Variants in ZFAND3 observed in about 807,000 individuals in gnomAD.
ZFAND3 encodes the protein zinc finger AN1-type containing 3.
A neutral mutation model predicts 29.6 loss-of-function variants in ZFAND3; 10 were observed. The ratio of observed to expected loss-of-function variants is 0.34; its 90% confidence interval spans 0.21 to 0.57. ZFAND3 has a LOEUF of 0.57. ZFAND3 is among the 20% of genes least tolerant of loss of function. The pLI is 0.86. For synonymous variants in ZFAND3, 128 were observed against 112.6 expected (o/e 1.14, Z -0.87); for missense variants, 230 against 304.5 (o/e 0.76, Z 1.82).
At chr6:38,000,159 CA>C (rs2127439099) in intron 2 of ZFAND3, among the ~76,000 whole-genome samples, 1 of 152,028 alleles carries the variant, frequency 6.6e-6, no homozygotes, top group East Asian at 1.9e-4. Context: ...CCAAACAAAC[CA>C]AAAAACTTAC....
intron 2 of ZFAND3, among the ~76,000 whole-genome samples, chr6:38,021,021 A>G (rs1311013518): frequency 6.6e-6 from 1 of 152,254 alleles, no homozygotes; most frequent in Non-Finnish European, 1.5e-5. Context: ...CAGAAAATAT[A>G]TGAAAGGAAA....
At chr6:37,932,269 AAAAAT>A (rs1203938300) in intron 2 of ZFAND3, among the ~76,000 whole-genome samples, 5 of 150,130 alleles carry the variant, frequency 3.3e-5, no homozygotes, top group South Asian at 4.1e-4. Flanking sequence ...TCAAAAAAAA[AAAAAT>A]AAATAAATAA....
At chr6:38,080,254 A>G (rs1036284635) in intron 3 of ZFAND3, among the ~76,000 whole-genome samples, 3 of 151,902 alleles carry the variant, frequency 2.0e-5, no homozygotes, top group Admixed American at 6.6e-5. Context: ...GTGTATACCT[A>G]TGTAACAAAC....
intron 1 of ZFAND3, among the ~76,000 whole-genome samples, chr6:37,839,914 G>T (rs1404065834): frequency 6.6e-6 from 1 of 151,956 alleles, no homozygotes; most frequent in Non-Finnish European, 1.5e-5. Flanking sequence ...ACGTTTTTTG[G>T]GGATGTGTCC....
At chr6:37,870,535 G>A (rs987315113) in intron 1 of ZFAND3, among the ~76,000 whole-genome samples, 3 of 148,006 alleles carry the variant, frequency 2.0e-5, no homozygotes, top group Non-Finnish European at 4.5e-5. Context: ...GGAGGTGGAG[G>A]TTGCAGTGAG....
intron 1 of ZFAND3, among the ~76,000 whole-genome samples, chr6:37,900,675 C>A (rs1320631571): frequency 2.0e-5 from 3 of 152,038 alleles, no homozygotes; most frequent in Non-Finnish European, 4.4e-5. Flanking sequence ...TGTCACAGGT[C>A]TGTTATGTTC....
chr6:37,979,316 A>G (rs887021508), intron 2 of ZFAND3, among the ~76,000 whole-genome samples: 1 of 152,078 alleles, frequency 6.6e-6, no homozygotes, highest in Non-Finnish European at 1.5e-5. Flanking sequence ...TGGTGGGTCA[A>G]GTTTTCTTAC....
At position 37,910,308 on chromosome 6, in the gene ZFAND3, T is replaced by A. The variant is rs114854425; in HGVS notation, c.72-19651T>A. Among the ~76,000 whole-genome samples, 431 of 152,352 alleles carry A rather than the reference T, an allele frequency of 2.8e-3. 2 individuals are homozygous for A. The highest frequency in any genetic ancestry group is 9.8e-3 in the African/African-American group (409 of 41,592). On this transcript the variant is annotated intron_variant, in intron 1 of 5. Coordinates refer to ENST00000287218, the MANE Select transcript of ZFAND3 (RefSeq NM_021943.3). ...CAAACACATACTAGTTTAAAATGAT[T>A]AACTCATTTAATCCTGTTGGTAACT...
At chr6:37,875,558 A>G (rs1358734118) in intron 1 of ZFAND3, among the ~76,000 whole-genome samples, 1 of 152,142 alleles carries the variant, frequency 6.6e-6, no homozygotes, top group Admixed American at 6.5e-5. Flanking sequence ...GTTATCAGCA[A>G]CTTATGTTCA....
intron 2 of ZFAND3, among the ~76,000 whole-genome samples, chr6:37,955,163 G>GTGTA (rs761208057): frequency 5.3e-5 from 8 of 151,044 alleles, no homozygotes; most frequent in Non-Finnish European, 1.0e-4. Flanking sequence ...GTGTGTGTGT[G>GTGTA]TGTGTGTGTC....
chr6:37,883,179 C>T (rs1581732370), intron 1 of ZFAND3, among the ~76,000 whole-genome samples: 1 of 152,134 alleles, frequency 6.6e-6, no homozygotes. Flanking sequence ...ACTATGATCA[C>T]GCCACTGCTC....
intron 4 of ZFAND3, among the ~76,000 whole-genome samples, chr6:38,084,455 A>C (rs1764721581): frequency 6.6e-6 from 1 of 152,226 alleles, no homozygotes; most frequent in South Asian, 2.1e-4. Flanking sequence ...AATTACTGGT[A>C]GTTTCCATCA....
intron 2 of ZFAND3, among the ~76,000 whole-genome samples, chr6:37,977,538 A>G (rs1351749864): frequency 6.6e-6 from 1 of 152,034 alleles, no homozygotes; most frequent in Admixed American, 6.5e-5. Flanking sequence ...CCTGACCTCA[A>G]GTGATCCGCA....
At chr6:37,834,757 A>G (rs1763933303) in intron 1 of ZFAND3, among the ~76,000 whole-genome samples, 1 of 146,108 alleles carries the variant, frequency 6.8e-6, no homozygotes. Context: ...TGCATATATA[A>G]TGATATATGC....
At chr6:37,834,986 G>A (rs1763940902) in intron 1 of ZFAND3, among the ~76,000 whole-genome samples, 1 of 151,932 alleles carries the variant, frequency 6.6e-6, no homozygotes, top group South Asian at 2.1e-4. Flanking sequence ...TTTCATTTTG[G>A]TTGTATAAAG....
intron 1 of ZFAND3, among the ~76,000 whole-genome samples, chr6:37,848,880 A>G (rs1044089878): frequency 1.3e-5 from 2 of 152,146 alleles, no homozygotes; most frequent in African/African-American, 4.8e-5. Context: ...GCATAAGAGA[A>G]TTGTTGAGAG....
intron 1 of ZFAND3, among the ~76,000 whole-genome samples, chr6:37,884,914 A>G (rs904240621): frequency 3.3e-5 from 5 of 152,354 alleles, no homozygotes; most frequent in East Asian, 1.9e-4. Flanking sequence ...GAATTCATCT[A>G]TATTTTCCCT....
At chr6:38,093,496 A>G (rs1764913599) in intron 4 of ZFAND3, among the ~76,000 whole-genome samples, 2 of 152,230 alleles carry the variant, frequency 1.3e-5, no homozygotes, top group Non-Finnish European at 2.9e-5. Flanking sequence ...AAACTGTGCA[A>G]ATGAATAAAG....
At chr6:38,083,164 A>G (rs1764695528) in intron 4 of ZFAND3, among the ~76,000 whole-genome samples, 1 of 152,208 alleles carries the variant, frequency 6.6e-6, no homozygotes, top group Non-Finnish European at 1.5e-5. Flanking sequence ...AGTATTTTTC[A>G]TAACTTAAAA....
Sources: gnomAD v4.1 joint callset for allele counts (sites outside exome capture counted in the v4.1 genomes callset) on GRCh38, gnomAD v4.1.1 for gene constraint, MANE v1.5 for transcripts, NCBI Gene and HGNC (gene_info 2026-07-23, HGNC 2026-07-21) for gene names.